Variants in NCAM2 observed in about 807,000 individuals in gnomAD.
NCAM2 encodes neural cell adhesion molecule 2, also known as N-CAM-2.
Under a neutral mutation model 98.1 loss-of-function variants are expected in NCAM2, and 30 were observed. The ratio of observed to expected loss-of-function variants is 0.31; its 90% CI spans 0.23 to 0.41. The LOEUF is 0.41. Among genes scored for constraint, NCAM2 ranks in the 10% least tolerant of loss-of-function variants. The pLI is 1.00. For synonymous variants in NCAM2, 368 were observed against 342.4 expected, an observed-to-expected ratio of 1.07 and a Z score of -0.83; for missense variants, 867 against 1,005.8, an observed-to-expected ratio of 0.86 and a Z score of 1.87.
chr21:21,030,302 G>A (rs1207102305), intron 1 of NCAM2, among the ~76,000 whole-genome samples: 1 of 152,166 alleles, frequency 6.6e-6, no homozygotes, highest in African/African-American at 2.4e-5. Context: ...AAGGTAGCCT[G>A]ATTTCAAAGG....
At chr21:21,292,313 G>T in intron 5 of NCAM2, 72 bp downstream of exon 5, 1 of 1,458,678 alleles carries the variant, frequency 6.9e-7, no homozygotes, top group Non-Finnish European at 9.4e-7. Context: ...TGGCAACCAT[G>T]TGAACTCAAA....
At chr21:21,212,893 A>C (rs534393229) in intron 1 of NCAM2, among the ~76,000 whole-genome samples, 45 of 151,910 alleles carry the variant, frequency 3.0e-4, no homozygotes, top group African/African-American at 9.6e-4. Flanking sequence ...CAGGTACCCG[A>C]CACCACGTGG....
chr21:21,335,172 T>C (rs1354486379), intron 6 of NCAM2, among the ~76,000 whole-genome samples: 1 of 152,102 alleles, frequency 6.6e-6, no homozygotes, highest in African/African-American at 2.4e-5. Context: ...TTTAATTGTG[T>C]ATGGGATTAA....
At chr21:21,419,109 A>C (rs2077053405) in intron 11 of NCAM2, among the ~76,000 whole-genome samples, 1 of 152,166 alleles carries the variant, frequency 6.6e-6, no homozygotes, top group Non-Finnish European at 1.5e-5. Context: ...ATGTTAGCAA[A>C]GAATATATTT....
chr21:21,430,805 T>C (rs1465203589), intron 11 of NCAM2, among the ~76,000 whole-genome samples: 2 of 151,902 alleles, frequency 1.3e-5, no homozygotes, highest in Non-Finnish European at 1.5e-5. Context: ...CCCAGCACTT[T>C]GGGAGGCCAA....
intron 1 of NCAM2, among the ~76,000 whole-genome samples, chr21:21,020,490 C>A (rs2064409912): frequency 6.6e-6 from 1 of 152,142 alleles, no homozygotes; most frequent in Non-Finnish European, 1.5e-5. Context: ...ACCTGTAGAC[C>A]TTGGTTGTGC....
At chr21:21,439,668 G>A (rs1221899503) in intron 12 of NCAM2, among the ~76,000 whole-genome samples, 3 of 152,116 alleles carry the variant, frequency 2.0e-5, no homozygotes. Context: ...GTAAAGTTTA[G>A]TAGATCAGAT....
At chr21:21,317,683 C>A (rs1421249290) in intron 5 of NCAM2, among the ~76,000 whole-genome samples, 1 of 152,004 alleles carries the variant, frequency 6.6e-6, no homozygotes, top group Non-Finnish European at 1.5e-5. Flanking sequence ...CAGGCACACA[C>A]CATCCTATCC....
At chr21:21,390,366 G>A (rs527484897) in intron 9 of NCAM2, among the ~76,000 whole-genome samples, 1 of 152,162 alleles carries the variant, frequency 6.6e-6, no homozygotes, top group African/African-American at 2.4e-5. Context: ...CTTTGAAAAG[G>A]ATGAGAGGCC....
At chr21:21,500,993 T>A (rs2146334631) in intron 15 of NCAM2, among the ~76,000 whole-genome samples, 1 of 152,204 alleles carries the variant, frequency 6.6e-6, no homozygotes, top group Admixed American at 6.5e-5. Context: ...GCATTTAATT[T>A]TAAAAAAATT....
intron 8 of NCAM2, among the ~76,000 whole-genome samples, chr21:21,353,450 C>T (rs1199851071): frequency 3.3e-5 from 5 of 152,102 alleles, no homozygotes; most frequent in African/African-American, 1.2e-4. Context: ...TTGACAATGT[C>T]GGAAGTCTGC....
At chr21:21,387,080 A>G in intron 9 of NCAM2, among the ~76,000 whole-genome samples, 1 of 151,946 alleles carries the variant, frequency 6.6e-6, no homozygotes, top group East Asian at 1.9e-4. Context: ...CTCTAAATCT[A>G]GGGGCTATAA....
At chr21:21,374,714 A>G (rs1013825184) in intron 9 of NCAM2, among the ~76,000 whole-genome samples, 16 of 151,800 alleles carry the variant, frequency 1.1e-4, no homozygotes, top group African/African-American at 3.9e-4. Context: ...TTTATGAAGC[A>G]TCAATATTGG....
chr21:21,013,635 G>T (rs550619583), intron 1 of NCAM2, among the ~76,000 whole-genome samples: 1 of 152,098 alleles, frequency 6.6e-6, no homozygotes, highest in Non-Finnish European at 1.5e-5. Context: ...TACAAAATTA[G>T]TGGAGCATGG....
intron 1 of NCAM2, among the ~76,000 whole-genome samples, chr21:21,214,465 T>G (rs1377476829): frequency 6.6e-6 from 1 of 151,960 alleles, no homozygotes; most frequent in Non-Finnish European, 1.5e-5. Context: ...CTGCAATGCC[T>G]TAAGATTTGA....
At chr21:21,400,592 A>G (rs1465832914) in intron 9 of NCAM2, among the ~76,000 whole-genome samples, 1 of 142,964 alleles carries the variant, frequency 7.0e-6, no homozygotes, top group Admixed American at 7.1e-5. Context: ...AATATTTACC[A>G]AAAACTTTTT....
intron 1 of NCAM2, among the ~76,000 whole-genome samples, chr21:21,149,044 T>C (rs373537666): frequency 6.6e-6 from 1 of 152,166 alleles, no homozygotes; most frequent in Non-Finnish European, 1.5e-5. Context: ...TGTGGTTCTA[T>C]TTCTGGACTC....
intron 5 of NCAM2, among the ~76,000 whole-genome samples, chr21:21,305,120 C>T (rs539397216): frequency 1.4e-4 from 22 of 152,134 alleles, no homozygotes; most frequent in African/African-American, 5.3e-4. Context: ...GAGTTCAAGA[C>T]CAGCCTGGTC....
At chr21:21,309,830 G>T (rs1422148831) in intron 5 of NCAM2, among the ~76,000 whole-genome samples, 1 of 116,502 alleles carries the variant, frequency 8.6e-6, no homozygotes, top group African/African-American at 3.0e-5. Flanking sequence ...GACACAGCAG[G>T]ACTCACCTCA....
Sources: allele counts gnomAD v4.1 joint callset (sites outside exome capture counted in the v4.1 genomes callset), GRCh38; gene constraint gnomAD v4.1.1; transcripts MANE v1.5; gene names NCBI Gene and HGNC (gene_info 2026-07-23, HGNC 2026-07-21).